The following SMCO1 variants were observed in gnomAD, a reference collection of about 807,000 sequenced individuals.
SMCO1 encodes single-pass membrane and coiled-coil domain-containing protein 1.
In SMCO1, 9 loss-of-function variants were observed where a neutral mutation model predicts 7.5. The ratio of observed to expected loss-of-function variants is 1.20; its 90% CI spans 0.72 to 2.09. The LOEUF is 2.09. SMCO1 is among the 30% of genes most tolerant of loss of function. The pLI, the probability that SMCO1 is intolerant of heterozygous loss-of-function variation, is 0.00. For synonymous variants in SMCO1, 90 were observed against 93.8 expected (o/e 0.96, Z 0.23); for missense variants, 219 against 253.1 (o/e 0.87, Z 0.91).
chr3:196,515,189 G>A lies in SMCO1; in HGVS notation c.21C>T (p.Thr7=). The change falls in exon 1 of 3, where the codon ACC becomes ACT. Residue 7 remains threonine, a synonymous_variant. Coordinates refer to ENST00000397537, the MANE Select transcript of SMCO1 (RefSeq NM_001077657.3). ...TCATTGCCTCCTTCAAGGATATCAGGGTTGTGGTTTCATTGTTCATCTTCT... is the reference window on the plus strand; with the variant it reads ...TCATTGCCTCCTTCAAGGATATCAGAGTTGTGGTTTCATTGTTCATCTTCT... MNNETT[T]LISLKEAMKR... The A allele has an allele frequency of 6.2e-7, 1 of 1,613,738 alleles. No homozygotes were observed. Among genetic ancestry groups the A allele is most frequent in the Non-Finnish European group, 8.5e-7 (1 of 1,179,682 alleles).
rs769400763 is a variant in SMCO1 at position 196,508,234 on chromosome 3, T to C, written c.298A>G (p.Arg100Gly). The change falls in exon 3 of 3, where the codon AGA becomes GGA. Residue 100 changes from arginine to glycine, a missense_variant. Coordinates refer to ENST00000397537, the MANE Select transcript of SMCO1 (RefSeq NM_001077657.3). ...ACAGAGGCTAAGGTTGGAAGACCTC[T>C]CACCAGGTCTGGCAGCTTCTCAAGC... is the stretch of plus-strand genomic sequence containing the variant. Reference protein sequence around the residue: ...RVLEKLPDLVRGLPTLASVLR... With the variant: ...RVLEKLPDLVGGLPTLASVLR... The C allele has an allele frequency of 6.2e-7, 1 of 1,614,102 alleles. No homozygotes were observed. Among genetic ancestry groups the C allele is most frequent in the South Asian group, 1.1e-5 (1 of 91,082 alleles).
chr3:196,507,713 T>C lies in SMCO1; in HGVS notation c.*174A>G. Reference sequence around the variant, plus strand: ...TTCATATCATTACACAAAGAGCTTCTTCATTCTTTTATATGGCTGCAAAGA... The same window carrying C: ...TTCATATCATTACACAAAGAGCTTCCTCATTCTTTTATATGGCTGCAAAGA... On this transcript the variant is annotated 3_prime_UTR_variant, in exon 3 of 3. Coordinates refer to ENST00000397537, the MANE Select transcript of SMCO1 (RefSeq NM_001077657.3). 1.8e-6 allele frequency: 1 copy of C among 568,626 alleles called. No individual in the cohort carries two copies. Among genetic ancestry groups the C allele is most frequent in the Non-Finnish European group, 3.1e-6 (1 of 320,396 alleles). 35.2% of individuals were successfully genotyped at this position (568,626 alleles called of 1,614,324 possible).
chr3:196,518,176 G>A (rs1411309580), upstream of SMCO1, among the ~76,000 whole-genome samples: 1 of 152,148 alleles, frequency 6.6e-6, no homozygotes, highest in Non-Finnish European at 1.5e-5. Flanking sequence ...AGGGTGGGAG[G>A]GCCAGTTTTT....
upstream of SMCO1, among the ~76,000 whole-genome samples, chr3:196,516,851 C>T (rs1418883337): frequency 2.6e-5 from 4 of 152,062 alleles, no homozygotes; most frequent in African/African-American, 9.7e-5. Context: ...GTAATCCCAA[C>T]ATTTTGGGAG....
upstream of SMCO1, chr3:196,515,478 A>C (rs778463579): frequency 1.9e-4 from 83 of 447,318 alleles, no homozygotes; most frequent in Non-Finnish European, 3.2e-4. Flanking sequence ...ACCATAGTAC[A>C]TTAACATACA....
chr3:196,519,701 C>G (rs114403762), upstream of SMCO1, among the ~76,000 whole-genome samples: 251 of 152,310 alleles, frequency 1.6e-3, no homozygotes, highest in African/African-American at 5.5e-3. Context: ...GTTAAAGAAG[C>G]CTTGCCTTTT....
chr3:196,513,839 A>G (rs1733314959), intron 1 of SMCO1, among the ~76,000 whole-genome samples: 1 of 152,194 alleles, frequency 6.6e-6, no homozygotes, highest in African/African-American at 2.4e-5. Flanking sequence ...ATCTCAACCA[A>G]CATGCAAATC....
Position 196,515,226 on chromosome 3 carries a change from G to T in SMCO1, c.-17C>A. 1 of 1,585,400 alleles carries T rather than the reference G, an allele frequency of 6.3e-7. No homozygotes were observed. The highest frequency in any genetic ancestry group is 8.6e-7 in the Non-Finnish European group (1 of 1,156,242). ...ATTGTTCATCTTCTGAAGGCAAAAGGAAAGAAAACAAAAACAAAGCAAAAC... is the reference window on the plus strand; with the variant it reads ...ATTGTTCATCTTCTGAAGGCAAAAGTAAAGAAAACAAAAACAAAGCAAAAC... On this transcript the variant is annotated 5_prime_UTR_variant, in exon 1 of 3. Coordinates refer to ENST00000397537, the MANE Select transcript of SMCO1 (RefSeq NM_001077657.3).
At chr3:196,516,130 T>G (rs1388507306), upstream of SMCO1, among the ~76,000 whole-genome samples, 1 of 145,616 alleles carries the variant, frequency 6.9e-6, no homozygotes, top group African/African-American at 2.5e-5. Context: ...TATATTAGAT[T>G]AGGAATTGAA....
At chr3:196,513,169 A>G (rs1733294207) in intron 1 of SMCO1, among the ~76,000 whole-genome samples, 1 of 151,906 alleles carries the variant, frequency 6.6e-6, no homozygotes, top group South Asian at 2.1e-4. Context: ...TCTCTACAAA[A>G]AATAAAAAAT....
At chr3:196,515,396 T>C (rs1733360863), upstream of SMCO1, 8 of 578,400 alleles carry the variant, frequency 1.4e-5, no homozygotes, top group Middle Eastern at 4.6e-4. Context: ...GATCCAAATA[T>C]AGTTTCAAAG....
chr3:196,515,558 G>A (rs527634004), upstream of SMCO1, among the ~76,000 whole-genome samples: 1 of 152,168 alleles, frequency 6.6e-6, no homozygotes, highest in Non-Finnish European at 1.5e-5. Context: ...TTAACGTAAC[G>A]TATAGGATTA....
At chr3:196,518,153 A>G (rs1473072648), upstream of SMCO1, among the ~76,000 whole-genome samples, 1 of 152,228 alleles carries the variant, frequency 6.6e-6, no homozygotes, top group Non-Finnish European at 1.5e-5. Flanking sequence ...CTGCATTTGC[A>G]TAATAAAAGG....
chr3:196,508,591 G>A (rs1039067522), intron 2 of SMCO1, among the ~76,000 whole-genome samples: 1 of 151,442 alleles, frequency 6.6e-6, no homozygotes, highest in African/African-American at 2.4e-5. Context: ...GCTTCCCAGA[G>A]TGCTGGGATT....
At chr3:196,508,664 G>C (rs570880330) in intron 2 of SMCO1, among the ~76,000 whole-genome samples, 1 of 1,414 alleles carries the variant, frequency 7.1e-4, no homozygotes, top group African/African-American at 1.4e-3. Flanking sequence ...TAGGCTGGGC[G>C]TGGTGCTCAC....
chr3:196,509,053 CTT>C (rs945980231), intron 2 of SMCO1, among the ~76,000 whole-genome samples: 1 of 146,304 alleles, frequency 6.8e-6, no homozygotes, highest in Non-Finnish European at 1.5e-5. Context: ...TCAAATTAAT[CTT>C]TTTTTTTTCT....
At position 196,515,147 on chromosome 3, in the gene SMCO1, A is replaced by G; in HGVS notation, c.50+13T>C. 1.2e-6 allele frequency: 2 copies of G among 1,613,988 alleles called. No homozygotes were observed. Among genetic ancestry groups the G allele is most frequent in the African/African-American group, 1.3e-5 (1 of 75,026 alleles). On this transcript the variant is annotated intron_variant, in intron 1 of 2. Transcript: ENST00000397537. Reference sequence around the variant, plus strand: ...AGACCCATGCTTGCTCCCTCCCTATAGCCCTCAGCAACCTTTTCATTGCCT... The same window carrying G: ...AGACCCATGCTTGCTCCCTCCCTATGGCCCTCAGCAACCTTTTCATTGCCT...
intron 1 of SMCO1, among the ~76,000 whole-genome samples, chr3:196,511,452 C>T (rs1733228739): frequency 2.3e-5 from 2 of 88,090 alleles, no homozygotes; most frequent in Admixed American, 9.6e-5. Context: ...CTGCCTGAGC[C>T]ACCTAGATTC....
intron 1 of SMCO1, among the ~76,000 whole-genome samples, chr3:196,514,158 A>G (rs2108663827): frequency 6.6e-6 from 1 of 152,342 alleles, no homozygotes; most frequent in East Asian, 1.9e-4. Context: ...CAAATGGTTT[A>G]TGTCATCCTG....
Sources: allele counts gnomAD v4.1 joint callset (sites outside exome capture counted in the v4.1 genomes callset), GRCh38; gene constraint gnomAD v4.1.1; transcripts MANE v1.5; gene names NCBI Gene and HGNC (gene_info 2026-07-23, HGNC 2026-07-21).